RFX1: variants seen among roughly 807,000 people sequenced by gnomAD.
RFX1 encodes the protein MHC class II regulatory factor RFX1.
RFX1 carries 42 observed loss-of-function variants against 119.6 expected under a neutral mutation model. The ratio of observed to expected loss-of-function variants is 0.35; its 90% CI spans 0.27 to 0.45. RFX1 has a LOEUF of 0.45. Among genes scored for constraint, RFX1 ranks in the 20% least tolerant of loss-of-function variants. The pLI, the probability that RFX1 is intolerant of heterozygous loss-of-function variation, is 1.00. For synonymous variants in RFX1, 628 were observed against 618.5 expected (o/e 1.02, Z -0.23); for missense variants, 1,118 against 1,368.1 (o/e 0.82, Z 2.88).
At position 13,982,145 on chromosome 19, in the gene RFX1, G is replaced by GGTAC; in HGVS notation, c.593_596dup (p.Gln200TyrfsTer249). 1 of 1,312,088 alleles carries GGTAC rather than the reference G, an allele frequency of 7.6e-7. No homozygotes were observed. 81.3% of individuals were successfully genotyped at this position (1,312,088 alleles called of 1,614,324 possible). A position where few individuals can be genotyped will look rare whatever the true frequency, so the allele number is the denominator to read the frequency against. Reference sequence around the variant, plus strand: ...CCTCTGGGGGCGAGTGCACCTGCTGGGTACCATGGACCGTCAGGGAGACCT... The same window carrying GGTAC: ...CCTCTGGGGGCGAGTGCACCTGCTGGGTACGTACCATGGACCGTCAGGGAGACCT... On this transcript the variant is annotated frameshift_variant, in exon 5 of 21. Coordinates refer to ENST00000254325, the MANE Select transcript of RFX1 (RefSeq NM_002918.5). LOFTEE classifies it high-confidence loss of function.
In RFX1 at chr19:13,962,487, C is replaced by T. The variant is rs552164577; in HGVS notation, c.*208G>A. ...ACGCGGCGGGTTCCTTAAGGCACGT[C>T]TTTTGTGTCAGAGTTTGCAGCTGCG... On this transcript the variant is annotated 3_prime_UTR_variant, in exon 21 of 21. Transcript: ENST00000254325. 3 of 540,892 alleles carry T rather than the reference C, an allele frequency of 5.5e-6. No individual in the cohort carries two copies. Among genetic ancestry groups the T allele is most frequent in the Admixed American group, 3.8e-5 (1 of 26,210 alleles). The allele number at this position is 540,892 out of a possible 1,614,324, so 33.5% of individuals were successfully genotyped here.
chr19:13,979,422 TG>T, intron 7 of RFX1, 24 bp downstream of exon 7: 2 of 1,479,682 alleles, frequency 1.4e-6, no homozygotes, highest in Non-Finnish European at 1.8e-6. Flanking sequence ...CCTTTGCCCG[TG>T]GGGTAGGAGG....
chr19:13,983,425 C>T (rs547828178), intron 3 of RFX1, 61 bp downstream of exon 3: 223 of 1,363,826 alleles, frequency 1.6e-4, no homozygotes, highest in Middle Eastern at 1.5e-3. Context: ...CCCCCGAGGA[C>T]GCAGCCTGCA....
intron 8 of RFX1, among the ~76,000 whole-genome samples, chr19:13,974,606 G>A (rs1331442017): frequency 6.6e-5 from 10 of 152,180 alleles, no homozygotes; most frequent in South Asian, 4.1e-4. Context: ...GGAAGAATGC[G>A]TTGCATGTGG....
At position 13,965,601 on chromosome 19, in the gene RFX1, G is replaced by T. The variant is rs764271410; in HGVS notation, c.2113+25C>A. 57 of 1,612,452 alleles carry T rather than the reference G, an allele frequency of 3.5e-5. No individual in the cohort carries two copies. The highest frequency in any genetic ancestry group is 9.9e-5 in the South Asian group (9 of 91,018). ...CAGGGCGGGTGTATGTGGGGCAGGG[G>T]ATGCCGAGCAGGCCGAGCACTCACT... On this transcript the variant is annotated intron_variant, in intron 15 of 20. Coordinates refer to ENST00000254325, the MANE Select transcript of RFX1 (RefSeq NM_002918.5). The surrounding 1 kb of genome is among the most constrained non-coding windows in gnomAD (Gnocchi z 4.7).
chr19:14,002,990 G>A (rs1975264927), intron 1 of RFX1, among the ~76,000 whole-genome samples: 1 of 152,188 alleles, frequency 6.6e-6, no homozygotes, highest in Non-Finnish European at 1.5e-5. Context: ...GTAGCATTTT[G>A]TGTGTGTGTT....
intron 1 of RFX1, among the ~76,000 whole-genome samples, chr19:13,999,819 G>A (rs1415817595): frequency 2.6e-5 from 4 of 152,130 alleles, no homozygotes; most frequent in African/African-American, 9.7e-5. Context: ...GGGATTACAG[G>A]TGCCCACCAC....
chr19:13,988,024 CTTTTTTTTT>C (rs768766007), intron 2 of RFX1, among the ~76,000 whole-genome samples: 3 of 134,482 alleles, frequency 2.2e-5, no homozygotes, highest in Non-Finnish European at 4.8e-5. Flanking sequence ...ACTTCTTGCT[CTTTTTTTTT>C]TTTTTTTTTT....
At chr19:13,979,856 A>T (rs551308318) in intron 6 of RFX1, among the ~76,000 whole-genome samples, 1 of 151,950 alleles carries the variant, frequency 6.6e-6, no homozygotes, top group Non-Finnish European at 1.5e-5. Context: ...ACACCCCCCA[A>T]TGTCAACTGT....
chr19:13,963,415 C>T (rs1338032035), intron 18 of RFX1, 123 bp downstream of exon 18: 3 of 1,418,288 alleles, frequency 2.1e-6, no homozygotes, highest in South Asian at 1.3e-5. Flanking sequence ...GGCACATGAG[C>T]CCAGGGCCCC....
In RFX1 at chr19:13,980,164, G is replaced by C. The variant is rs59147765; in HGVS notation, c.738+409C>G. Among the ~76,000 whole-genome samples the C allele has an allele frequency of 1.3e-5, 2 of 152,118 alleles. No individual in the cohort carries two copies. The highest frequency in any genetic ancestry group is 2.9e-5 in the Non-Finnish European group (2 of 68,030). On this transcript the variant is annotated intron_variant, in intron 6 of 20. Transcript: ENST00000254325. The surrounding 1 kb of genome is among the most constrained non-coding windows in gnomAD (Gnocchi z 5.1). The stretch of plus-strand genomic sequence containing the variant: ...GCGCAGCCCCAGCATCTTAACCTGC[G>C]CCGGCTCAGGGCTCTGCCTCCTGCA...
rs1973809456 is a variant in RFX1 at position 13,963,978 on chromosome 19, T to G, written c.2241A>C (p.Thr747=). 1 of 1,538,652 alleles carries G rather than the reference T, an allele frequency of 6.5e-7. No homozygotes were observed. Among genetic ancestry groups the G allele is most frequent in the Non-Finnish European group, 8.7e-7 (1 of 1,147,124 alleles). The change falls in exon 17 of 21, where the codon ACA becomes ACC. Residue 747 remains threonine (T), a synonymous_variant. Transcript: ENST00000254325. ...GGTTGAGCGACGTGTAGCGCCGCAG[T>G]GTCTGCGCGAAGGCGCCAGCCGCGG... ...KVAAAGAFAQ[T]LRRYTSLNHL... is the part of the protein sequence containing the mutation.
intron 1 of RFX1, among the ~76,000 whole-genome samples, chr19:14,001,677 G>A (rs1213126825): frequency 1.3e-5 from 2 of 152,226 alleles, no homozygotes; most frequent in African/African-American, 2.4e-5. Context: ...GAGACCTGGT[G>A]GGCCTGGTCT....
rs907187097 is a variant in RFX1 at position 13,969,588 on chromosome 19, G to C, written c.1496+406C>G. On this transcript the variant is annotated intron_variant, in intron 10 of 20. Transcript: ENST00000254325. The surrounding 1 kb of genome is among the most constrained non-coding windows in gnomAD (Gnocchi z 4.5). ...GCATGAGAATGGCTTGAACCCGTGAGGCAGAGGTTGCAGTGAGCCGAGATT... is the reference window on the plus strand; with the variant it reads ...GCATGAGAATGGCTTGAACCCGTGACGCAGAGGTTGCAGTGAGCCGAGATT... The C allele has an allele frequency of 5.9e-6, 1 of 170,900 alleles. No individual in the cohort carries two copies. The highest frequency in any genetic ancestry group is 1.3e-5 in the Non-Finnish European group (1 of 79,586). 10.6% of individuals were successfully genotyped at this position (170,900 alleles called of 1,614,324 possible).
At chr19:14,005,295 C>A (rs1001769798) in intron 1 of RFX1, among the ~76,000 whole-genome samples, 4 of 152,202 alleles carry the variant, frequency 2.6e-5, no homozygotes, top group African/African-American at 9.7e-5. Flanking sequence ...ATCCTCCACG[C>A]TAAAGCCAAA....
At chr19:13,984,717 G>A (rs927976940) in intron 2 of RFX1, among the ~76,000 whole-genome samples, 1 of 152,160 alleles carries the variant, frequency 6.6e-6, no homozygotes, top group African/African-American at 2.4e-5. Flanking sequence ...CAAGGTCCCA[G>A]GCCCACCTTT....
chr19:14,006,617 C>T (rs1256634835), upstream of RFX1: 1 of 152,244 alleles, frequency 6.6e-6, no homozygotes, highest in East Asian at 1.9e-4. Context: ...AAACCGGCCT[C>T]CTGGTTCGAC....
chr19:13,988,533 T>C (rs115586430), intron 2 of RFX1, among the ~76,000 whole-genome samples: 2,028 of 152,262 alleles, frequency 0.013, 46 homozygotes, highest in African/African-American at 0.046. Flanking sequence ...ACTGGTGACA[T>C]GCGAGGCCTC....
intron 1 of RFX1, among the ~76,000 whole-genome samples, chr19:14,003,291 C>T (rs956966994): frequency 2.7e-5 from 4 of 149,350 alleles, no homozygotes; most frequent in Non-Finnish European, 5.9e-5. Flanking sequence ...CTGTGCCCGG[C>T]CAGGATTTTT....
Sources: gnomAD v4.1 joint callset for allele counts (sites outside exome capture counted in the v4.1 genomes callset) on GRCh38, gnomAD v4.1.1 for gene constraint, Gnocchi (gnomAD v3.1) non-coding constraint, MANE v1.5 for transcripts, NCBI Gene and HGNC (gene_info 2026-07-23, HGNC 2026-07-21) for gene names.